NCEH1: variants seen among roughly 807,000 people sequenced by gnomAD.
The protein encoded by NCEH1 is neutral cholesterol ester hydrolase 1.
A neutral mutation model predicts 25.4 loss-of-function variants in NCEH1; 9 were observed. The ratio of observed to expected loss-of-function variants is 0.35; its 90% confidence interval spans 0.21 to 0.62. NCEH1 has a LOEUF of 0.62. Ranked by LOEUF, NCEH1 falls within the 20% of genes least tolerant of loss-of-function variation. The pLI is 0.72. For missense variants in NCEH1, 412 were observed against 501.1 expected, an observed-to-expected ratio of 0.82 and a Z score of 1.70; for synonymous variants, 200 against 199.8, an observed-to-expected ratio of 1.00 and a Z score of -0.01.
chr3:172,632,883 T>C lies in NCEH1; in HGVS notation c.*592A>G, dbSNP rs1716425044. 6.5e-6 allele frequency: 1 copy of C among 152,744 alleles called. No individual in the cohort carries two copies. Among genetic ancestry groups the C allele is most frequent in the Non-Finnish European group, 1.5e-5 (1 of 68,122 alleles). The allele number at this position is 152,744 out of a possible 1,614,324, so 9.5% of individuals were successfully genotyped here. A position where few individuals can be genotyped will look rare whatever the true frequency, so the allele number is the denominator to read the frequency against. On this transcript the variant is annotated 3_prime_UTR_variant, in exon 5 of 5. Coordinates refer to ENST00000475381, the MANE Select transcript of NCEH1 (RefSeq NM_020792.6). ...ACTGGACTTACAGATAGCGATCTCATAAAATGAACATTCTAGAGGAAGAAA... is the reference window on the plus strand; with the variant it reads ...ACTGGACTTACAGATAGCGATCTCACAAAATGAACATTCTAGAGGAAGAAA...
At chr3:172,695,963 T>A (rs1311588699) in intron 1 of NCEH1, among the ~76,000 whole-genome samples, 1 of 150,774 alleles carries the variant, frequency 6.6e-6, no homozygotes, top group Non-Finnish European at 1.5e-5. Flanking sequence ...AATAAATAAA[T>A]AAAAAAGAAA....
At position 172,647,968 on chromosome 3, in the gene NCEH1, A is replaced by C. The variant is rs1239388737; in HGVS notation, c.285T>G (p.Phe95Leu). ...TDFDGVEVRV[F>L]EGPPKPEEPL... ...GCTCTTCGGGCTTCGGAGGGCCTTC[A>C]AACACTCTGACTTCCACACCATCAA... Residue 95 changes from phenylalanine (F) to leucine (L), a missense_variant, in exon 2 of 5, where the codon TTT (phenylalanine) becomes TTG (leucine). This residue lies in a region of NCEH1 where 178 missense variants were observed against 189.2 expected (regional missense o/e 0.94). Coordinates refer to ENST00000475381, the MANE Select transcript of NCEH1 (RefSeq NM_020792.6). The C allele has an allele frequency of 4.3e-6, 7 of 1,614,070 alleles. No homozygotes were observed. In the Admixed American group the frequency reaches 1.0e-4, roughly 23 times the overall value.
In NCEH1 at chr3:172,632,508, C is replaced by T. The variant is rs892915252; in HGVS notation, c.*967G>A. The T allele has an allele frequency of 6.6e-6, 1 of 152,432 alleles. No homozygotes were observed. Among genetic ancestry groups the T allele is most frequent in the Admixed American group, 6.6e-5 (1 of 15,264 alleles). The allele number at this position is 152,432 out of a possible 1,614,324, so 9.4% of individuals were successfully genotyped here. A position where few individuals can be genotyped will look rare whatever the true frequency, so the allele number is the denominator to read the frequency against. On this transcript the variant is annotated 3_prime_UTR_variant, in exon 5 of 5. Coordinates refer to ENST00000475381, the MANE Select transcript of NCEH1 (RefSeq NM_020792.6). ...CATATAAGTGAAAAAATTGAGTTTT[C>T]AATAATAGACTAGACCTTCTAAAGG...
chr3:172,692,043 A>T (rs1199870793), intron 1 of NCEH1, among the ~76,000 whole-genome samples: 3 of 152,030 alleles, frequency 2.0e-5, no homozygotes, highest in Non-Finnish European at 2.9e-5. Context: ...TAGTCAAAAC[A>T]AGAGGTCACC....
chr3:172,685,468 G>T (rs187193715), intron 1 of NCEH1, among the ~76,000 whole-genome samples: 13 of 152,246 alleles, frequency 8.5e-5, no homozygotes, highest in Admixed American at 3.3e-4. Flanking sequence ...AAAACCCAAA[G>T]GGCCCACAAA....
chr3:172,700,755 G>A (rs1392589420), intron 1 of NCEH1, among the ~76,000 whole-genome samples: 1 of 152,082 alleles, frequency 6.6e-6, no homozygotes, highest in Non-Finnish European at 1.5e-5. Flanking sequence ...ACATGTGTGA[G>A]CCACCGTGCC....
intron 1 of NCEH1, among the ~76,000 whole-genome samples, chr3:172,665,489 G>C (rs1210516743): frequency 1.3e-5 from 2 of 152,208 alleles, no homozygotes; most frequent in Admixed American, 6.5e-5. Flanking sequence ...CAAACTCCAT[G>C]CTGGGACAAC....
chr3:172,676,081 C>T (rs1263885463), intron 1 of NCEH1, among the ~76,000 whole-genome samples: 3 of 152,102 alleles, frequency 2.0e-5, no homozygotes, highest in East Asian at 1.9e-4. Flanking sequence ...CAGGAAGTGG[C>T]CACAAAGAAT....
chr3:172,634,110 A>C lies in NCEH1; in HGVS notation c.610-18T>G. On this transcript the variant is annotated intron_variant, in intron 4 of 4. Coordinates refer to ENST00000475381, the MANE Select transcript of NCEH1 (RefSeq NM_020792.6). ...TGAGTAAACTAGAGAAGAGGAAGCA[A>C]ATACATTATTTCATTTTGCATGCCT... 1 of 1,602,542 alleles carries C rather than the reference A, an allele frequency of 6.2e-7. No individual in the cohort carries two copies. The highest frequency in any genetic ancestry group is 8.5e-7 in the Non-Finnish European group (1 of 1,175,094).
At chr3:172,705,145 A>G (rs1455491352) in intron 1 of NCEH1, among the ~76,000 whole-genome samples, 2 of 152,004 alleles carry the variant, frequency 1.3e-5, no homozygotes, top group African/African-American at 2.4e-5. Flanking sequence ...CCCTGGGGGG[A>G]AAAGTTACTT....
chr3:172,710,954 G>A lies in NCEH1; in HGVS notation c.31C>T (p.Leu11=), dbSNP rs1333817204. The change falls in exon 1 of 5, where the codon CTG becomes TTG. Residue 11 remains leucine, a synonymous_variant. Transcript: ENST00000475381. MRSSCVLLTA[L]VALAAYYVYI... is the part of the protein sequence containing the mutation. ...ACGTAATAGGCGGCCAGCGCCACCA[G>A]GGCGGTGAGCAGGACACAGGACGAC... 6.2e-7 allele frequency: 1 copy of A among 1,614,152 alleles called. No individual in the cohort carries two copies. The highest frequency in any genetic ancestry group is 1.1e-5 in the South Asian group (1 of 91,080).
At chr3:172,688,995 G>A (rs1712867027) in intron 1 of NCEH1, among the ~76,000 whole-genome samples, 1 of 152,212 alleles carries the variant, frequency 6.6e-6, no homozygotes. Context: ...GCGATCTAAT[G>A]TGGCTACCAC....
intron 1 of NCEH1, among the ~76,000 whole-genome samples, chr3:172,659,037 G>A (rs138612553): frequency 3.9e-5 from 6 of 152,004 alleles, no homozygotes; most frequent in Admixed American, 3.3e-4. Context: ...ACCACGGGGG[G>A]TCAGTGAATC....
chr3:172,688,356 AATGGAC>A (rs893230288), intron 1 of NCEH1, among the ~76,000 whole-genome samples: 2 of 151,452 alleles, frequency 1.3e-5, no homozygotes, highest in African/African-American at 4.8e-5. Context: ...AAAAAAAGAA[AATGGAC>A]ATGGAGATTA....
Position 172,647,891 on chromosome 3 carries a change from C to G in NCEH1, c.362G>C (p.Ser121Thr). Residue 121 changes from serine to threonine, a missense_variant, in exon 2 of 5, where the codon AGT becomes ACT. Physicochemically the swap from Ser to Thr is moderately conservative, Grantham distance 58 (BLOSUM62 1). Transcript: ENST00000475381. ...YIHGGGWALASAKIRYYDELC... is the reference protein window; with the variant it reads ...YIHGGGWALATAKIRYYDELC... ...TGAAGGTGACCAGGACGCACTTGCA[C>G]TTGCCAAGGCCCAGCCTCCTCCGTG... 1 of 1,614,202 alleles carries G rather than the reference C, an allele frequency of 6.2e-7. No individual in the cohort carries two copies. Among genetic ancestry groups the G allele is most frequent in the Non-Finnish European group, 8.5e-7 (1 of 1,180,034 alleles).
At chr3:172,708,998 A>G (rs1354966884) in intron 1 of NCEH1, among the ~76,000 whole-genome samples, 2 of 152,182 alleles carry the variant, frequency 1.3e-5, no homozygotes, top group Admixed American at 6.5e-5. Flanking sequence ...AGGAGAAGTG[A>G]TAAGAGCCAT....
chr3:172,648,690 T>C (rs1234699507), intron 1 of NCEH1, among the ~76,000 whole-genome samples: 1 of 152,052 alleles, frequency 6.6e-6, no homozygotes, highest in Non-Finnish European at 1.5e-5. Context: ...AAAAGAAACA[T>C]TGTCAAGGGA....
At chr3:172,661,646 A>C (rs546605136) in intron 1 of NCEH1, among the ~76,000 whole-genome samples, 43 of 152,022 alleles carry the variant, frequency 2.8e-4, no homozygotes, top group African/African-American at 1.0e-3. Flanking sequence ...CTTTTATTTC[A>C]TTGAGCAGTG....
chr3:172,678,785 C>T (rs996855179), intron 1 of NCEH1, among the ~76,000 whole-genome samples: 4 of 152,100 alleles, frequency 2.6e-5, no homozygotes, highest in African/African-American at 9.7e-5. Flanking sequence ...GTCTGTGCAC[C>T]CATCATCCAC....
Sources: gnomAD v4.1 joint callset for allele counts (sites outside exome capture counted in the v4.1 genomes callset) on GRCh38, gnomAD v4.1.1 for gene constraint, gnomAD v4.1.1 regional missense constraint, MANE v1.5 for transcripts, NCBI Gene and HGNC (gene_info 2026-07-23, HGNC 2026-07-21) for gene names.